The following ASIC2 variants were observed in gnomAD, a reference collection of about 807,000 sequenced individuals.
ASIC2 encodes the protein acid-sensing ion channel 2.
A neutral mutation model predicts 57.3 loss-of-function variants in ASIC2; 25 were observed. The observed-to-expected ratio is 0.44, with a 90% CI of 0.32 to 0.61. The LOEUF is 0.61. Among genes scored for constraint, ASIC2 ranks in the 20% least tolerant of loss-of-function variants. The pLI is 0.06. For missense variants in ASIC2, 641 were observed against 738.1 expected, an observed-to-expected ratio of 0.87 and a Z score of 1.52; for synonymous variants, 319 against 307.5, an observed-to-expected ratio of 1.04 and a Z score of -0.39.
intron 1 of ASIC2, among the ~76,000 whole-genome samples, chr17:34,054,012 C>T (rs1178266809): frequency 6.6e-6 from 1 of 152,226 alleles, no homozygotes; most frequent in African/African-American, 2.4e-5. Flanking sequence ...GAGCAAAGGA[C>T]TCAGACCAGA....
chr17:34,094,114 G>T (rs1228503009), intron 1 of ASIC2, among the ~76,000 whole-genome samples: 2 of 152,168 alleles, frequency 1.3e-5, no homozygotes, highest in Non-Finnish European at 1.5e-5. Context: ...AAACATTCTG[G>T]TGATTGCGGA....
At chr17:33,367,653 T>TTTGGTTC (rs1330628957) in intron 1 of ASIC2, among the ~76,000 whole-genome samples, 1 of 152,200 alleles carries the variant, frequency 6.6e-6, no homozygotes, top group Non-Finnish European at 1.5e-5. Flanking sequence ...AGAGCCTTCC[T>TTTGGTTC]TTGGTTCTTC....
chr17:34,116,299 G>A (rs1911422364), intron 1 of ASIC2, among the ~76,000 whole-genome samples: 1 of 152,094 alleles, frequency 6.6e-6, no homozygotes, highest in Non-Finnish European at 1.5e-5. Context: ...TCTGCATAAT[G>A]GGAACAATAA....
chr17:33,168,245 G>C (rs116766651), intron 1 of ASIC2, among the ~76,000 whole-genome samples: 2,877 of 152,264 alleles, frequency 0.019, 90 homozygotes, highest in African/African-American at 0.062. Flanking sequence ...GTGGCATTCT[G>C]GTAAGACAGA....
chr17:33,915,582 A>G (rs1413122490), intron 1 of ASIC2, among the ~76,000 whole-genome samples: 1 of 152,158 alleles, frequency 6.6e-6, no homozygotes, highest in Non-Finnish European at 1.5e-5. Context: ...TCAAATGAGC[A>G]TCTATTGGCT....
intron 1 of ASIC2, among the ~76,000 whole-genome samples, chr17:33,476,504 CATATATATATATATATAT>C (rs67811038): frequency 1.6e-5 from 2 of 122,750 alleles, no homozygotes; most frequent in African/African-American, 5.9e-5. Context: ...TGTGTGTGTG[CATATATATATATATATAT>C]ATATATATAT....
intron 1 of ASIC2, among the ~76,000 whole-genome samples, chr17:33,308,720 C>A (rs941917017): frequency 6.6e-6 from 1 of 152,166 alleles, no homozygotes; most frequent in Non-Finnish European, 1.5e-5. Context: ...AGATGACACA[C>A]ACAAAACATT....
intron 1 of ASIC2, chr17:34,037,290 C>T (rs1160315574): frequency 4.7e-6 from 1 of 212,740 alleles, no homozygotes; most frequent in African/African-American, 2.3e-5. Context: ...CAGGGACCCC[C>T]CTGAGTCTGC....
At chr17:33,673,754 A>T (rs1365565944) in intron 1 of ASIC2, among the ~76,000 whole-genome samples, 1 of 152,172 alleles carries the variant, frequency 6.6e-6, no homozygotes, top group Non-Finnish European at 1.5e-5. Flanking sequence ...TCCTATGCAT[A>T]CTTCAATATC....
At chr17:33,748,997 G>T (rs567148888) in intron 1 of ASIC2, among the ~76,000 whole-genome samples, 1 of 152,120 alleles carries the variant, frequency 6.6e-6, no homozygotes, top group Non-Finnish European at 1.5e-5. Context: ...GGGGGCCCTC[G>T]GCACAGCCTA....
At chr17:33,240,842 C>A in intron 1 of ASIC2, among the ~76,000 whole-genome samples, 1 of 152,134 alleles carries the variant, frequency 6.6e-6, no homozygotes, top group Non-Finnish European at 1.5e-5. Context: ...CATAGCCAGC[C>A]CTTCCAAGCA....
At chr17:33,140,667 C>T (rs566280199) in intron 1 of ASIC2, among the ~76,000 whole-genome samples, 1 of 152,200 alleles carries the variant, frequency 6.6e-6, no homozygotes, top group Admixed American at 6.5e-5. Context: ...CTGAAACCCA[C>T]AGGGGACCTG....
At chr17:34,146,346 G>A (rs1384370860) in intron 1 of ASIC2, among the ~76,000 whole-genome samples, 1 of 152,126 alleles carries the variant, frequency 6.6e-6, no homozygotes, top group Non-Finnish European at 1.5e-5. Flanking sequence ...TTACCATATG[G>A]ATAAAAAAGC....
intron 1 of ASIC2, among the ~76,000 whole-genome samples, chr17:34,009,159 C>T (rs554259884): frequency 1.2e-4 from 18 of 151,998 alleles, no homozygotes; most frequent in African/African-American, 3.9e-4. Context: ...GAGTCCTATT[C>T]GACTTGGAGA....
chr17:33,101,144 T>C (rs1447866589), intron 2 of ASIC2, among the ~76,000 whole-genome samples: 1 of 152,156 alleles, frequency 6.6e-6, no homozygotes, highest in Admixed American at 6.5e-5. Flanking sequence ...CCTCTCATTC[T>C]GGGGAGCTCC....
At chr17:33,763,742 G>T (rs185630327) in intron 1 of ASIC2, among the ~76,000 whole-genome samples, 1 of 152,278 alleles carries the variant, frequency 6.6e-6, no homozygotes, top group East Asian at 1.9e-4. Context: ...AGTGAGGATG[G>T]TGCTGAGAAG....
Position 33,723,148 on chromosome 17 carries a change from C to T in ASIC2, c.555+432830G>A, listed in dbSNP as rs188972259. Among the ~76,000 whole-genome samples the T allele has an allele frequency of 3.1e-3, 477 of 152,194 alleles. 1 individual carries two copies. Among genetic ancestry groups the T allele is most frequent in the African/African-American group, 0.011 (463 of 41,520 alleles). ...ACAAATGGCCATCAACAGAAAAATA[C>T]ATAAATCGATTGTGGTCTAGTCATA... On this transcript the variant is annotated intron_variant, in intron 1 of 9. Coordinates refer to the ASIC2 transcript ENST00000359872.
At chr17:33,615,940 T>C (rs1905589479) in intron 1 of ASIC2, among the ~76,000 whole-genome samples, 1 of 152,220 alleles carries the variant, frequency 6.6e-6, no homozygotes, top group Admixed American at 6.5e-5. Context: ...CTTCTGGCTG[T>C]AACATTTCAC....
At chr17:33,885,041 C>T (rs960439768) in intron 1 of ASIC2, among the ~76,000 whole-genome samples, 1 of 152,182 alleles carries the variant, frequency 6.6e-6, no homozygotes, top group African/African-American at 2.4e-5. Context: ...AAAGCCTCAT[C>T]TATTTTTGCC....
Sources: allele counts gnomAD v4.1 joint callset (sites outside exome capture counted in the v4.1 genomes callset), GRCh38; gene constraint gnomAD v4.1.1; transcripts MANE v1.5; gene names NCBI Gene and HGNC (gene_info 2026-07-23, HGNC 2026-07-21).